Variants in ATAD2B observed in about 807,000 individuals in gnomAD.
ATAD2B encodes ATPase family AAA domain-containing protein 2B.
ATAD2B carries 40 observed loss-of-function variants against 167.6 expected under a neutral mutation model. The ratio of observed to expected loss-of-function variants is 0.24; its 90% CI spans 0.19 to 0.31. The LOEUF (loss-of-function observed/expected upper bound fraction) is 0.31, where lower values mean the gene tolerates loss of function less well. Ranked by LOEUF, ATAD2B falls within the 10% of genes least tolerant of loss-of-function variation. The pLI, the probability that ATAD2B is intolerant of heterozygous loss-of-function variation, is 1.00. For synonymous variants in ATAD2B, 579 were observed against 596.5 expected (o/e 0.97, Z 0.43); for missense variants, 1,242 against 1,757.2 (o/e 0.71, Z 5.24).
At chr2:23,796,968 T>C (rs1157792748) in intron 19 of ATAD2B, among the ~76,000 whole-genome samples, 3 of 152,180 alleles carry the variant, frequency 2.0e-5, no homozygotes, top group African/African-American at 7.2e-5. Flanking sequence ...TTAGCCTCTA[T>C]GATAAACATT....
chr2:23,678,044 C>A, the ATAD2B span, among the ~76,000 whole-genome samples: 1 of 152,222 alleles, frequency 6.6e-6, no homozygotes, highest in Non-Finnish European at 1.5e-5. Context: ...TATTTGACAT[C>A]TCTTCCTCTT....
chr2:23,709,916 G>A, the ATAD2B span, among the ~76,000 whole-genome samples: 2 of 152,302 alleles, frequency 1.3e-5, no homozygotes, highest in African/African-American at 2.4e-5. Context: ...CTGGGTCTAC[G>A]AAGAGTCTGT....
the ATAD2B span, among the ~76,000 whole-genome samples, chr2:23,709,381 C>T: frequency 6.6e-6 from 1 of 152,144 alleles, no homozygotes; most frequent in Non-Finnish European, 1.5e-5. Context: ...AGTCGGGGGG[C>T]CTCACTGCCT....
the ATAD2B span, among the ~76,000 whole-genome samples, chr2:23,710,821 A>G: frequency 6.6e-6 from 1 of 152,244 alleles, no homozygotes; most frequent in Non-Finnish European, 1.5e-5. Flanking sequence ...TGCAGAGGTT[A>G]TATGCAAATA....
At chr2:23,742,507 T>G in the ATAD2B span, among the ~76,000 whole-genome samples, 4 of 127,262 alleles carry the variant, frequency 3.1e-5, no homozygotes, top group Non-Finnish European at 4.6e-5. Context: ...TGAACAATGA[T>G]AACACATGGA....
chr2:23,878,341 A>T (rs781261549), intron 7 of ATAD2B, among the ~76,000 whole-genome samples: 1 of 151,888 alleles, frequency 6.6e-6, no homozygotes, highest in Non-Finnish European at 1.5e-5. Context: ...AGCCTGGGCA[A>T]CAGAGTGAGA....
intron 18 of ATAD2B, among the ~76,000 whole-genome samples, chr2:23,801,181 AAC>A (rs1683435542): frequency 6.6e-6 from 1 of 152,150 alleles, no homozygotes; most frequent in African/African-American, 2.4e-5. Context: ...ATTCAAAAAG[AAC>A]AGAGTTTGAG....
At chr2:23,711,500 G>A in the ATAD2B span, among the ~76,000 whole-genome samples, 1 of 151,528 alleles carries the variant, frequency 6.6e-6, no homozygotes, top group Non-Finnish European at 1.5e-5. Context: ...CTCCCAAGTA[G>A]CTGGGATTAC....
At chr2:23,693,618 C>T in the ATAD2B span, 2 of 1,276,454 alleles carry the variant, frequency 1.6e-6, no homozygotes, top group Non-Finnish European at 2.2e-6. Flanking sequence ...AGGAAGTGAA[C>T]CTTCCTTGTC....
In ATAD2B at chr2:23,887,970, G is replaced by T; in HGVS notation, c.434C>A (p.Pro145His). Residue 145 changes from proline to histidine, a missense_variant, in exon 4 of 28, where the codon CCC becomes CAC. Physicochemically the swap from Pro to His is moderately conservative, Grantham distance 77 (BLOSUM62 -2). Transcript: ENST00000238789. Reference sequence around the variant, plus strand: ...ATCTCCCTTCTTTTCCCCTCGAAGGGGATGGCTTCGAAGGGCTACAAGAAG... The same window carrying T: ...ATCTCCCTTCTTTTCCCCTCGAAGGTGATGGCTTCGAAGGGCTACAAGAAG... ...GHSGLSLRSHPLRGEKKGDGD... is the reference protein window; with the variant it reads ...GHSGLSLRSHHLRGEKKGDGD... The T allele has an allele frequency of 6.3e-7, 1 of 1,594,076 alleles. No individual in the cohort carries two copies. Among genetic ancestry groups the T allele is most frequent in the Non-Finnish European group, 8.5e-7 (1 of 1,172,728 alleles).
chr2:23,884,865 C>T lies in ATAD2B; in HGVS notation c.684G>A (p.Met228Ile). Residue 228 changes from methionine (M) to isoleucine (I), a missense_variant, in exon 6 of 28, where the codon ATG becomes ATA. Met to Ile is a conservative substitution (Grantham distance 10, BLOSUM62 1). Around this residue, in one of 9 missense-constraint regions of ATAD2B, gnomAD observed 99 missense variants for 160.4 expected, o/e 0.62. Transcript: ENST00000238789. ...GCCTTTTCACTCTTGAATACATATC[C>T]ATGTTTTCCTTTTAAAGAAAGAAAT... Reference protein sequence around the residue: ...RMWTDTEFENMDMYSRVKRRR... With the variant: ...RMWTDTEFENIDMYSRVKRRR... 6.5e-7 allele frequency: 1 copy of T among 1,546,758 alleles called. No individual in the cohort carries two copies. Among genetic ancestry groups the T allele is most frequent in the Non-Finnish European group, 8.7e-7 (1 of 1,144,496 alleles).
intron 7 of ATAD2B, among the ~76,000 whole-genome samples, chr2:23,877,971 G>T (rs1697183830): frequency 8.5e-6 from 1 of 117,812 alleles, no homozygotes; most frequent in Non-Finnish European, 1.6e-5. Context: ...AGTGAGCCAT[G>T]TTCGCACCAA....
the ATAD2B span, chr2:23,695,568 G>T: frequency 2.9e-4 from 369 of 1,252,518 alleles, no homozygotes; most frequent in African/African-American, 5.0e-3. This position sits in a 1 kb window ranked among gnomAD's most constrained non-coding sequence, Gnocchi z 7.6. Flanking sequence ...CTTTCCGTCC[G>T]GGAGGTGGCT....
chr2:23,848,178 A>G lies in ATAD2B; in HGVS notation c.1568+9237T>C, dbSNP rs553318625. ...AAATATTTAAGATATTTTTATTTAC[A>G]TTTCTTCAAAAGTTTTTAAAGTTTT... On this transcript the variant is annotated intron_variant, in intron 13 of 27. Coordinates refer to ENST00000238789, the MANE Select transcript of ATAD2B (RefSeq NM_017552.4). 1.9e-4 allele frequency among the ~76,000 whole-genome samples: 29 copies of G among 152,304 alleles called. No individual in the cohort carries two copies. The South Asian group carries it at 5.6e-3, about 29-fold the overall frequency.
intron 14 of ATAD2B, 22 bp from the exon 15 acceptor site, chr2:23,828,961 C>T (rs373792093): frequency 6.7e-7 from 1 of 1,490,124 alleles, no homozygotes; most frequent in South Asian, 1.2e-5. Context: ...AGCACAGATA[C>T]ATAAAATCTT....
At chr2:23,760,760 ACACACACAC>A (rs1676628738) in intron 24 of ATAD2B, among the ~76,000 whole-genome samples, 1 of 119,676 alleles carries the variant, frequency 8.4e-6, no homozygotes, top group Admixed American at 1.0e-4. Context: ...ATACACACAC[ACACACACAC>A]ACCACTTCCT....
chr2:23,859,702 C>A lies in ATAD2B; in HGVS notation c.1480-2199G>T, dbSNP rs369746038. 2.6e-5 allele frequency among the ~76,000 whole-genome samples: 4 copies of A among 152,034 alleles called. No homozygotes were observed. In the East Asian group the frequency reaches 5.8e-4, roughly 22 times the overall value. On this transcript the variant is annotated intron_variant, in intron 12 of 27. Transcript: ENST00000238789. The stretch of plus-strand genomic sequence containing the variant: ...GTGGCTCATGCCTGTAATCCCAGCA[C>A]TTTGGGAGGTCGAGACAGGCGGATC...
At chr2:23,792,149 G>A (rs1012929029) in intron 19 of ATAD2B, among the ~76,000 whole-genome samples, 148 of 150,624 alleles carry the variant, frequency 9.8e-4, no homozygotes, top group African/African-American at 3.5e-3. Context: ...TGCAAGCTCC[G>A]CCTCCTGGGT....
intron 15 of ATAD2B, among the ~76,000 whole-genome samples, chr2:23,823,861 T>C (rs1687836744): frequency 1.3e-5 from 2 of 151,924 alleles, no homozygotes; most frequent in Admixed American, 1.3e-4. Flanking sequence ...AATATGTCCT[T>C]GATATGAGCT....
Sources: gnomAD v4.1 joint callset for allele counts (sites outside exome capture counted in the v4.1 genomes callset) on GRCh38, gnomAD v4.1.1 for gene constraint, gnomAD v4.1.1 regional missense constraint, Gnocchi (gnomAD v3.1) non-coding constraint, MANE v1.5 for transcripts, NCBI Gene and HGNC (gene_info 2026-07-23, HGNC 2026-07-21) for gene names.